RYR2: variants seen among roughly 807,000 people sequenced by gnomAD.
RYR2 encodes the protein cardiac muscle ryanodine receptor-calcium release channel.
RYR2 carries 227 observed loss-of-function variants against 601.1 expected under a neutral mutation model. The observed-to-expected ratio is 0.38, with a 90% CI of 0.34 to 0.42. RYR2 has a LOEUF of 0.42. RYR2 is among the 10% of genes least tolerant of loss of function. The pLI is 1.00. For synonymous variants in RYR2, 2,223 were observed against 2,175.1 expected (o/e 1.02, Z -0.61); for missense variants, 4,646 against 6,156.5 (o/e 0.75, Z 8.21).
At chr1:237,602,683 C>T (rs180737870) in intron 35 of RYR2, among the ~76,000 whole-genome samples, 14 of 152,248 alleles carry the variant, frequency 9.2e-5, no homozygotes, top group Admixed American at 8.5e-4. Context: ...CAAAGGATGC[C>T]TTCCAGAATG....
intron 22 of RYR2, 92 bp downstream of exon 22, chr1:237,503,597 A>G (rs1664891501): frequency 1.9e-5 from 23 of 1,192,858 alleles, no homozygotes; most frequent in Non-Finnish European, 2.7e-5. Flanking sequence ...ATAGGAACGA[A>G]TTTCACAGTA....
chr1:237,163,316 T>A (rs1676242731), intron 1 of RYR2, among the ~76,000 whole-genome samples: 1 of 151,552 alleles, frequency 6.6e-6, no homozygotes, highest in Non-Finnish European at 1.5e-5. Context: ...AGAAAAGAGG[T>A]TGTAGCTAGC....
At chr1:237,584,835 T>C (rs1674346408) in intron 29 of RYR2, among the ~76,000 whole-genome samples, 1 of 151,994 alleles carries the variant, frequency 6.6e-6, no homozygotes, top group Non-Finnish European at 1.5e-5. Context: ...TAATTTTTAA[T>C]TTTTTAAAAT....
intron 1 of RYR2, among the ~76,000 whole-genome samples, chr1:237,139,611 G>T (rs761605792): frequency 6.6e-6 from 1 of 152,174 alleles, no homozygotes; most frequent in East Asian, 1.9e-4. Context: ...TTCCTGAGAA[G>T]AAGATACCAT....
At chr1:237,698,213 TTCA>T in intron 63 of RYR2, among the ~76,000 whole-genome samples, 1 of 151,786 alleles carries the variant, frequency 6.6e-6, no homozygotes, top group Middle Eastern at 3.4e-3. Context: ...TTACCTTGAA[TTCA>T]TCATTTTATT....
intron 16 of RYR2, among the ~76,000 whole-genome samples, chr1:237,459,617 A>G (rs1659240631): frequency 6.6e-6 from 1 of 152,202 alleles, no homozygotes; most frequent in South Asian, 2.1e-4. Context: ...AATTTTTTAT[A>G]TAATCATAGA....
At chr1:237,655,523 C>T (rs1366816450) in intron 52 of RYR2, among the ~76,000 whole-genome samples, 1 of 152,154 alleles carries the variant, frequency 6.6e-6, no homozygotes, top group Non-Finnish European at 1.5e-5. Context: ...TTATGTTTAT[C>T]TCTTAACAAT....
At chr1:237,820,630 T>A (rs1239844384) in intron 101 of RYR2, among the ~76,000 whole-genome samples, 1 of 152,120 alleles carries the variant, frequency 6.6e-6, no homozygotes, top group African/African-American at 2.4e-5. Flanking sequence ...GCTGCACAAG[T>A]TTTTTTCATA....
Position 237,263,473 on chromosome 1 carries a change from G to T in RYR2, c.49-7024G>T, listed in dbSNP as rs1487180712. Among the ~76,000 whole-genome samples the T allele has an allele frequency of 5.9e-5, 9 of 152,326 alleles. No homozygotes were observed. The South Asian group carries it at 1.2e-3, about 21-fold the overall frequency. ...AGAATTGGGTCTAAGTAACTGCAAAGAAGTGATTTCTGTCTGCAAGTAACA... is the reference window on the plus strand; with the variant it reads ...AGAATTGGGTCTAAGTAACTGCAAATAAGTGATTTCTGTCTGCAAGTAACA... On this transcript the variant is annotated intron_variant, in intron 1 of 104. Transcript: ENST00000366574.
At chr1:237,409,833 AT>A (rs1704267616) in intron 10 of RYR2, among the ~76,000 whole-genome samples, 1 of 152,188 alleles carries the variant, frequency 6.6e-6, no homozygotes, top group Admixed American at 6.5e-5. Context: ...TGGCAAGGAA[AT>A]CTTCAGAGCC....
chr1:237,263,926 A>G (rs1332020782), intron 1 of RYR2, among the ~76,000 whole-genome samples: 1 of 152,152 alleles, frequency 6.6e-6, no homozygotes, highest in Non-Finnish European at 1.5e-5. Context: ...GGTAGTGATA[A>G]TAAAGGGGAA....
intron 46 of RYR2, among the ~76,000 whole-genome samples, 195 bp downstream of exon 46, chr1:237,639,396 T>C (rs983604798): frequency 2.0e-5 from 3 of 152,198 alleles, no homozygotes; most frequent in African/African-American, 7.2e-5. Flanking sequence ...CAAAGAGAGC[T>C]GAAGAAGATG....
chr1:237,801,791 C>A, intron 97 of RYR2, 65 bp from the exon 98 acceptor site: 1 of 1,021,862 alleles, frequency 9.8e-7, no homozygotes, highest in Non-Finnish European at 1.5e-6. Flanking sequence ...CCGTCAGGCT[C>A]TCGCAAGCCT....
chr1:237,735,846 A>G (rs1008979304), intron 79 of RYR2, among the ~76,000 whole-genome samples: 9 of 152,220 alleles, frequency 5.9e-5, no homozygotes, highest in Non-Finnish European at 1.2e-4. Context: ...ATATCTGTAC[A>G]TGTTCAGTAC....
At chr1:237,269,325 G>C (rs1689450313) in intron 1 of RYR2, among the ~76,000 whole-genome samples, 1 of 151,544 alleles carries the variant, frequency 6.6e-6, no homozygotes, top group Non-Finnish European at 1.5e-5. Context: ...TTATAGGTGT[G>C]AGCCACCGCG....
Position 237,819,621 on chromosome 1 carries a change from A to G in RYR2, c.14590+429A>G, listed in dbSNP as rs1304105022. On this transcript the variant is annotated intron_variant, in intron 101 of 104. Coordinates refer to ENST00000366574, the MANE Select transcript of RYR2 (RefSeq NM_001035.3). The surrounding 1 kb of genome is among the most constrained non-coding windows in gnomAD (Gnocchi z 4.0). ...GATCACTTGAGGTCAGGAGCTCGAGACCAGCCTGACCAACATGGTAAACCC... is the reference window on the plus strand; with the variant it reads ...GATCACTTGAGGTCAGGAGCTCGAGGCCAGCCTGACCAACATGGTAAACCC... Among the ~76,000 whole-genome samples the G allele has an allele frequency of 4.0e-5, 6 of 150,136 alleles. No homozygotes were observed. The highest frequency in any genetic ancestry group is 8.8e-5 in the Non-Finnish European group (6 of 67,988).
In RYR2 at chr1:237,614,534, C is replaced by T. The variant is rs1553522322; in HGVS notation, c.5406C>T (p.Gly1802=). The change falls in exon 37 of 105, where the codon GGC becomes GGT. Residue 1802 remains glycine (G), a synonymous_variant. Coordinates refer to ENST00000366574, the MANE Select transcript of RYR2 (RefSeq NM_001035.3). The surrounding 1 kb of genome is among the most constrained non-coding windows in gnomAD (Gnocchi z 4.3). The part of the protein sequence containing the change: ...IQMLTEAVKE[G]SLHARDPVGG... ...TGCTGACAGAAGCTGTTAAAGAGGGCAGTCTTCATGCCCGGGACCCAGTTG... is the reference window on the plus strand; with the variant it reads ...TGCTGACAGAAGCTGTTAAAGAGGGTAGTCTTCATGCCCGGGACCCAGTTG... The T allele has an allele frequency of 1.2e-6, 2 of 1,613,906 alleles. No homozygotes were observed. The highest frequency in any genetic ancestry group is 3.3e-5 in the Admixed American group (2 of 60,002).
chr1:237,803,970 A>C (rs1014515997), intron 98 of RYR2, among the ~76,000 whole-genome samples: 2 of 152,168 alleles, frequency 1.3e-5, no homozygotes, highest in African/African-American at 2.4e-5. Flanking sequence ...CAATAGCTTA[A>C]CTAGAGCAAG....
At chr1:237,475,752 T>C (rs1174118415) in intron 17 of RYR2, among the ~76,000 whole-genome samples, 1 of 152,238 alleles carries the variant, frequency 6.6e-6, no homozygotes, top group Admixed American at 6.5e-5. Context: ...CTTGTCAGTT[T>C]TTGTGGTGAA....
Sources: gnomAD v4.1 joint callset for allele counts (sites outside exome capture counted in the v4.1 genomes callset) on GRCh38, gnomAD v4.1.1 for gene constraint, Gnocchi (gnomAD v3.1) non-coding constraint, MANE v1.5 for transcripts, NCBI Gene and HGNC (gene_info 2026-07-23, HGNC 2026-07-21) for gene names.